TULP3: variants seen among roughly 807,000 people sequenced by gnomAD.
TULP3 encodes the protein tubby-related protein 3.
TULP3 carries 38 observed loss-of-function variants against 50.7 expected under a neutral mutation model. That is an observed-to-expected ratio of 0.75 (90% confidence interval 0.58 to 0.98). TULP3 has a LOEUF of 0.98. TULP3 is among the 50% of genes least tolerant of loss of function. TULP3 has a pLI of 0.00. For synonymous variants in TULP3, 183 were observed against 196.6 expected, an observed-to-expected ratio of 0.93 and a Z score of 0.58; for missense variants, 550 against 568.0, an observed-to-expected ratio of 0.97 and a Z score of 0.32.
At chr12:2,892,652 T>G (rs1428880564) in intron 1 of TULP3, among the ~76,000 whole-genome samples, 1 of 151,718 alleles carries the variant, frequency 6.6e-6, no homozygotes, top group Admixed American at 6.6e-5. Flanking sequence ...GCTGGGACTA[T>G]AGGCACGCGC....
In TULP3 at chr12:2,934,308, G is replaced by A. The variant is rs980632656; in HGVS notation, c.810-139G>A. ...CTCAGTTCCTTCCTTGCTTTAATGA[G>A]ATATTTTTGAAAAAGTGATGATGAA... is the stretch of plus-strand genomic sequence containing the variant. On this transcript the variant is annotated intron_variant, in intron 7 of 10. Coordinates refer to ENST00000448120, the MANE Select transcript of TULP3 (RefSeq NM_003324.5). The A allele has an allele frequency of 1.9e-4, 103 of 550,582 alleles. 1 individual carries two copies. In the East Asian group the frequency reaches 3.1e-3, roughly 17 times the overall value. The allele number at this position is 550,582 out of a possible 1,614,324, so 34.1% of individuals were successfully genotyped here. A position where few individuals can be genotyped will look rare whatever the true frequency, so the allele number is the denominator to read the frequency against.
chr12:2,914,686 G>T (rs1417854516), intron 2 of TULP3, among the ~76,000 whole-genome samples: 1 of 151,380 alleles, frequency 6.6e-6, no homozygotes, highest in African/African-American at 2.4e-5. Context: ...AGGTTGGAGT[G>T]TAGTGGCGCA....
chr12:2,930,586 G>A (rs2098197406), intron 5 of TULP3, among the ~76,000 whole-genome samples: 1 of 151,996 alleles, frequency 6.6e-6, no homozygotes, highest in Non-Finnish European at 1.5e-5. Flanking sequence ...ATGACACCCG[G>A]CTAATTTTTT....
rs2098203527 is a variant in TULP3, at chr12:2,939,640, A to G, written c.*196A>G. On this transcript the variant is annotated 3_prime_UTR_variant, in exon 11 of 11. Coordinates refer to ENST00000448120, the MANE Select transcript of TULP3 (RefSeq NM_003324.5). This position sits in a 1 kb window ranked among gnomAD's most constrained non-coding sequence, Gnocchi z 4.0. Reference sequence around the variant, plus strand: ...AACGACCCCTGAATATATAAAACACACACACGAAGAGCAATAGTTTGCCCC... The same window carrying G: ...AACGACCCCTGAATATATAAAACACGCACACGAAGAGCAATAGTTTGCCCC... 1 of 1,415,306 alleles carries G rather than the reference A, an allele frequency of 7.1e-7. No individual in the cohort carries two copies. The highest frequency in any genetic ancestry group is 1.4e-5 in the African/African-American group (1 of 69,302). The allele number at this position is 1,415,306 out of a possible 1,614,324, so 87.7% of individuals were successfully genotyped here.
At chr12:2,936,269 CAAAAT>C (rs1329870036) in intron 8 of TULP3, among the ~76,000 whole-genome samples, 7 of 152,174 alleles carry the variant, frequency 4.6e-5, no homozygotes, top group East Asian at 1.9e-4. Flanking sequence ...GACGCCATCT[CAAAAT>C]AAAATAAGAA....
At position 2,939,992 on chromosome 12, in the gene TULP3, A is replaced by G. The variant is rs1242262579; in HGVS notation, c.*548A>G. The G allele has an allele frequency of 2.0e-5, 26 of 1,281,520 alleles. No homozygotes were observed. The highest frequency in any genetic ancestry group is 2.4e-5 in the Non-Finnish European group (24 of 982,228). 79.4% of individuals were successfully genotyped at this position (1,281,520 alleles called of 1,614,324 possible). On this transcript the variant is annotated 3_prime_UTR_variant, in exon 11 of 11. Transcript: ENST00000448120. This position sits in a 1 kb window ranked among gnomAD's most constrained non-coding sequence, Gnocchi z 4.0. ...CAGTAGAATCAGGGACTGACATCGC[A>G]GTTCCTCTCCTCTCTTCATTCCCTC... is the stretch of plus-strand genomic sequence containing the variant.
intron 7 of TULP3, among the ~76,000 whole-genome samples, chr12:2,934,188 C>T (rs951584165): frequency 3.3e-5 from 5 of 151,936 alleles, no homozygotes; most frequent in Admixed American, 6.6e-5. Context: ...TTTGAGGCTG[C>T]AGTGAGCTAT....
At position 2,940,692 on chromosome 12, in the gene TULP3, CTGT is replaced by C. The variant is rs1156245510; in HGVS notation, c.*1253_*1255del. ...CTGTGGACTGACCTCTCACCTCCGC[CTGT>C]TGTTCCTGCACCACATCAGATAAGC... On this transcript the variant is annotated 3_prime_UTR_variant, in exon 11 of 11. Coordinates refer to ENST00000448120, the MANE Select transcript of TULP3 (RefSeq NM_003324.5). The C allele has an allele frequency of 9.7e-6, 15 of 1,551,514 alleles. No individual in the cohort carries two copies. The African/African-American group carries it at 1.4e-4, about 14-fold the overall frequency.
intron 1 of TULP3, among the ~76,000 whole-genome samples, chr12:2,898,286 C>G (rs555042243): frequency 6.6e-6 from 1 of 152,084 alleles, no homozygotes; most frequent in East Asian, 1.9e-4. Context: ...TGGGGACTTA[C>G]AATTAGTTTG....
chr12:2,937,875 C>T (rs952326630), intron 9 of TULP3, 146 bp downstream of exon 9: 2 of 850,714 alleles, frequency 2.4e-6, no homozygotes, highest in Admixed American at 3.0e-5. Context: ...GGAAAGCTGC[C>T]CCTCCAAAAC....
rs530850592 is a variant in TULP3 at position 2,932,955 on chromosome 12, T to TA, written c.697-463_697-462insA. Among the ~76,000 whole-genome samples the TA allele has an allele frequency of 1.8e-4, 27 of 152,164 alleles. No individual in the cohort carries two copies. In the South Asian group the frequency reaches 5.0e-3, roughly 28 times the overall value. On this transcript the variant is annotated intron_variant, in intron 6 of 10. Transcript: ENST00000448120. ...TTATTTTATTTTTATTTTTTATTTTTTTTTTGAGACAGAGTCTCATTCTGT... is the reference window on the plus strand; with the variant it reads ...TTATTTTATTTTTATTTTTTATTTTTATTTTTGAGACAGAGTCTCATTCTGT...
At chr12:2,923,383 A>T (rs2098192871) in intron 4 of TULP3, among the ~76,000 whole-genome samples, 1 of 152,122 alleles carries the variant, frequency 6.6e-6, no homozygotes, top group Non-Finnish European at 1.5e-5. Flanking sequence ...GGCCAGGCTT[A>T]GTGGCTCACG....
intron 2 of TULP3, among the ~76,000 whole-genome samples, chr12:2,919,529 A>G (rs2098190526): frequency 6.6e-6 from 1 of 152,174 alleles, no homozygotes; most frequent in Non-Finnish European, 1.5e-5. Flanking sequence ...TTTCTAAAAC[A>G]GTATCGATGG....
At position 2,920,876 on chromosome 12, in the gene TULP3, TC is replaced by T. The variant is rs539797999; in HGVS notation, c.210del (p.Leu71TrpfsTer2). On this transcript the variant is annotated frameshift_variant, in exon 3 of 11. Coordinates refer to ENST00000448120, the MANE Select transcript of TULP3 (RefSeq NM_003324.5). LOFTEE classifies it high-confidence loss of function. ...AGCCAAGGGCCAGTGATGAGCAGACTCCCTTGGTGAACTGTCATACTCCCCA... is the reference window on the plus strand; with the variant it reads ...AGCCAAGGGCCAGTGATGAGCAGACTCCTTGGTGAACTGTCATACTCCCCA... ...AKPRASDEQT[P>X]LVNCHTPHSN... 1 of 1,614,130 alleles carries T rather than the reference TC, an allele frequency of 6.2e-7. No homozygotes were observed. The highest frequency in any genetic ancestry group is 8.5e-7 in the Non-Finnish European group (1 of 1,180,028).
intron 8 of TULP3, among the ~76,000 whole-genome samples, chr12:2,936,653 G>A (rs538539426): frequency 1.8e-4 from 27 of 151,998 alleles, no homozygotes; most frequent in African/African-American, 6.0e-4. Flanking sequence ...TCAGGCTGAG[G>A]CAGGAAAATT....
rs767671403 is a variant in TULP3, at chr12:2,909,522, T to C, written c.42-7T>C. On this transcript the variant is annotated splice_polypyrimidine_tract_variant and splice_region_variant and intron_variant, in intron 1 of 10. Transcript: ENST00000448120. ...TATACTTGCTTTATTTTTTTTTTTT[T>C]TAACAGTGTCTTCCATGAAGAAATG... 3.9e-5 allele frequency: 62 copies of C among 1,573,256 alleles called. No individual in the cohort carries two copies. Among genetic ancestry groups the C allele is most frequent in the Non-Finnish European group, 5.2e-5 (61 of 1,168,470 alleles).
At chr12:2,927,107 C>T (rs961594784) in intron 4 of TULP3, among the ~76,000 whole-genome samples, 6 of 151,524 alleles carry the variant, frequency 4.0e-5, no homozygotes, top group Non-Finnish European at 8.8e-5. Flanking sequence ...CTGGACATTT[C>T]ATATTGATAG....
At chr12:2,895,513 C>T (rs1358894792) in intron 1 of TULP3, among the ~76,000 whole-genome samples, 1 of 152,136 alleles carries the variant, frequency 6.6e-6, no homozygotes, top group African/African-American at 2.4e-5. Flanking sequence ...CAGATGTGTT[C>T]TTGGTGTGTC....
chr12:2,937,200 A>ATTTTTTTTTTTTTTTT (rs771074689), intron 8 of TULP3, among the ~76,000 whole-genome samples: 5 of 54,446 alleles, frequency 9.2e-5, no homozygotes, highest in Admixed American at 3.6e-4. Flanking sequence ...GGTACACCTG[A>ATTTTTTTTTTTTTTTT]TTTTTTTTTT....
Sources: gnomAD v4.1 joint callset for allele counts (sites outside exome capture counted in the v4.1 genomes callset) on GRCh38, gnomAD v4.1.1 for gene constraint, Gnocchi (gnomAD v3.1) non-coding constraint, MANE v1.5 for transcripts, NCBI Gene and HGNC (gene_info 2026-07-23, HGNC 2026-07-21) for gene names.